The following PAG1 variants were observed in gnomAD, a reference collection of about 807,000 sequenced individuals.
PAG1 encodes phosphoprotein membrane anchor with glycosphingolipid microdomains 1.
A neutral mutation model predicts 31.7 loss-of-function variants in PAG1; 23 were observed. The observed-to-expected ratio is 0.73, with a 90% CI of 0.52 to 1.03. PAG1 has a LOEUF of 1.03. PAG1 is among the 50% of genes least tolerant of loss of function. PAG1 has a pLI of 0.00. For missense variants in PAG1, 473 were observed against 540.7 expected (o/e 0.87, Z 1.24); for synonymous variants, 214 against 210.3 (o/e 1.02, Z -0.15).
At chr8:81,018,350 C>T in intron 3 of PAG1, among the ~76,000 whole-genome samples, 1 of 152,186 alleles carries the variant, frequency 6.6e-6, no homozygotes, top group South Asian at 2.1e-4. Flanking sequence ...AATTAAGGCA[C>T]AATTTAATAT....
chr8:81,105,314 A>C (rs1398642298), intron 1 of PAG1, among the ~76,000 whole-genome samples: 2 of 152,180 alleles, frequency 1.3e-5, no homozygotes, highest in African/African-American at 4.8e-5. Context: ...GCCTGGTATC[A>C]TATTAATATA....
At position 80,990,631 on chromosome 8, in the gene PAG1, G is replaced by A. The variant is rs993898602; in HGVS notation, c.177+848C>T. Among the ~76,000 whole-genome samples, 4 of 152,114 alleles carry A rather than the reference G, an allele frequency of 2.6e-5. No individual in the cohort carries two copies. Among genetic ancestry groups the A allele is most frequent in the Admixed American group, 6.5e-5 (1 of 15,278 alleles). The stretch of plus-strand genomic sequence containing the variant: ...GTCAGAGAGGACAAGGAAGGACCTG[G>A]ACACTCTCAGGCTGTTCCTCGCCAG... On this transcript the variant is annotated intron_variant, in intron 5 of 8. Transcript: ENST00000220597. The surrounding 1 kb of genome is among the most constrained non-coding windows in gnomAD (Gnocchi z 5.1).
intron 7 of PAG1, among the ~76,000 whole-genome samples, chr8:80,980,887 G>C (rs149302664): frequency 3.3e-4 from 51 of 152,262 alleles, no homozygotes; most frequent in Admixed American, 1.3e-3. Flanking sequence ...GGCGTCATCA[G>C]AAAGATCCTT....
Position 80,987,428 on chromosome 8 carries a change from G to C in PAG1, c.216C>G (p.Ser72Arg). Residue 72 changes from serine (S) to arginine (R), a missense_variant, in exon 6 of 9, where the codon AGC (serine) becomes AGG (arginine). Coordinates refer to ENST00000220597, the MANE Select transcript of PAG1 (RefSeq NM_018440.4). ...TGCTGGCAGGAGCATCTGTTGCCAGGCTAGTAACTGAACGGCTGAACATCT... is the reference window on the plus strand; with the variant it reads ...TGCTGGCAGGAGCATCTGTTGCCAGCCTAGTAACTGAACGGCTGAACATCT... ...DKEMFSRSVT[S>R]LATDAPASSE... The C allele has an allele frequency of 1.9e-6, 3 of 1,613,918 alleles. No individual in the cohort carries two copies. The highest frequency in any genetic ancestry group is 2.5e-6 in the Non-Finnish European group (3 of 1,179,826).
chr8:80,989,000 C>T (rs1807482935), intron 5 of PAG1, among the ~76,000 whole-genome samples: 1 of 152,204 alleles, frequency 6.6e-6, no homozygotes, highest in Admixed American at 6.5e-5. Context: ...TCACAGCCTG[C>T]ACGTTCCAAG....
intron 1 of PAG1, among the ~76,000 whole-genome samples, chr8:81,070,579 A>G (rs1668987789): frequency 1.3e-5 from 2 of 152,038 alleles, no homozygotes; most frequent in Admixed American, 1.3e-4. Flanking sequence ...AGACCCCTAG[A>G]GCCCATGTGC....
intron 7 of PAG1, among the ~76,000 whole-genome samples, chr8:80,980,759 A>G (rs150222290): frequency 1.9e-3 from 284 of 152,374 alleles, no homozygotes; most frequent in Non-Finnish European, 3.2e-3. Context: ...ATAATTATTT[A>G]GACTACTGTT....
intron 1 of PAG1, among the ~76,000 whole-genome samples, chr8:81,103,488 T>C (rs1366963803): frequency 6.6e-6 from 1 of 152,200 alleles, no homozygotes; most frequent in Non-Finnish European, 1.5e-5. Flanking sequence ...ACGGGAGTGA[T>C]TCTACCTTTA....
chr8:81,101,788 T>G (rs1021460121), intron 1 of PAG1, among the ~76,000 whole-genome samples: 10 of 152,080 alleles, frequency 6.6e-5, no homozygotes, highest in Admixed American at 6.6e-5. Flanking sequence ...TCAAATTAGA[T>G]TACTAATTTA....
intron 3 of PAG1, among the ~76,000 whole-genome samples, chr8:81,000,856 C>T (rs1024213906): frequency 6.6e-6 from 1 of 152,186 alleles, no homozygotes; most frequent in Non-Finnish European, 1.5e-5. Flanking sequence ...TCAGTGTCTT[C>T]ATCCCCCGCA....
intron 3 of PAG1, among the ~76,000 whole-genome samples, chr8:81,005,049 G>A (rs956234867): frequency 1.3e-5 from 2 of 152,184 alleles, no homozygotes; most frequent in African/African-American, 4.8e-5. Flanking sequence ...TCATGCAAGA[G>A]GTGACACATG....
At chr8:80,991,101 A>G (rs1807536858) in intron 5 of PAG1, among the ~76,000 whole-genome samples, 1 of 152,190 alleles carries the variant, frequency 6.6e-6, no homozygotes. Flanking sequence ...AACCACCAGA[A>G]GCCCCAGGAG....
At chr8:81,069,440 G>A (rs985829196) in intron 2 of PAG1, among the ~76,000 whole-genome samples, 1 of 152,132 alleles carries the variant, frequency 6.6e-6, no homozygotes, top group Non-Finnish European at 1.5e-5. Flanking sequence ...ATAGTGCTTC[G>A]AAGTCCAGGA....
chr8:81,095,877 GGGT>G (rs1809521151), intron 1 of PAG1, among the ~76,000 whole-genome samples: 1 of 152,214 alleles, frequency 6.6e-6, no homozygotes, highest in African/African-American at 2.4e-5. Flanking sequence ...GACAACAGCA[GGGT>G]GGTATTTGCT....
At chr8:80,996,941 C>T (rs1171840844) in intron 3 of PAG1, among the ~76,000 whole-genome samples, 1 of 152,084 alleles carries the variant, frequency 6.6e-6, no homozygotes, top group Non-Finnish European at 1.5e-5. Flanking sequence ...GTCCCTGTGG[C>T]AATCATGGCA....
At chr8:80,987,896 C>T (rs1410851066) in intron 5 of PAG1, among the ~76,000 whole-genome samples, 1 of 152,114 alleles carries the variant, frequency 6.6e-6, no homozygotes, top group African/African-American at 2.4e-5. Flanking sequence ...ATCAAAACTA[C>T]AGATTAAGGG....
intron 2 of PAG1, among the ~76,000 whole-genome samples, chr8:81,038,527 G>A (rs1408369467): frequency 1.3e-5 from 2 of 152,132 alleles, no homozygotes; most frequent in East Asian, 3.8e-4. Context: ...AGTTTCAGAG[G>A]GGTATGCAGG....
In PAG1 at chr8:80,971,584, C is replaced by T. The variant is rs1052451028; in HGVS notation, c.*4960G>A. On this transcript the variant is annotated 3_prime_UTR_variant, in exon 9 of 9. Coordinates refer to ENST00000220597, the MANE Select transcript of PAG1 (RefSeq NM_018440.4). The stretch of plus-strand genomic sequence containing the variant: ...GTGATATGAGACAACCCAAGGGTAG[C>T]ACATTTTAAAAAATACCCACAGTAT... 4 of 152,112 alleles carry T rather than the reference C, an allele frequency of 2.6e-5. No individual in the cohort carries two copies. Among genetic ancestry groups the T allele is most frequent in the African/African-American group, 9.7e-5 (4 of 41,424 alleles). 9.4% of individuals were successfully genotyped at this position (152,112 alleles called of 1,614,324 possible).
chr8:81,064,794 A>G (rs1474265615), intron 2 of PAG1, among the ~76,000 whole-genome samples: 1 of 152,316 alleles, frequency 6.6e-6, no homozygotes, highest in East Asian at 1.9e-4. Flanking sequence ...TTGGAGCTTA[A>G]TGGGAAAAAC....
Sources: allele counts gnomAD v4.1 joint callset (sites outside exome capture counted in the v4.1 genomes callset), GRCh38; gene constraint gnomAD v4.1.1; non-coding constraint Gnocchi (gnomAD v3.1); transcripts MANE v1.5; gene names NCBI Gene and HGNC (gene_info 2026-07-23, HGNC 2026-07-21).